Variants in ARL8B observed in about 807,000 individuals in gnomAD.
ARL8B encodes ADP-ribosylation factor-like protein 8B.
ARL8B carries 9 observed loss-of-function variants against 30.6 expected under a neutral mutation model. That is an observed-to-expected ratio of 0.29 (90% CI 0.18 to 0.51). ARL8B has a LOEUF of 0.51. Ranked by LOEUF, ARL8B falls within the 20% of genes least tolerant of loss-of-function variation. The pLI, the probability that ARL8B is intolerant of heterozygous loss-of-function variation, is 0.97. For synonymous variants in ARL8B, 74 were observed against 76.0 expected (o/e 0.97, Z 0.14); for missense variants, 130 against 227.2 (o/e 0.57, Z 2.75).
In ARL8B at chr3:5,130,999, G is replaced by A. The variant is rs184049092; in HGVS notation, c.123+8411G>A. The stretch of plus-strand genomic sequence containing the variant: ...CTGTCATCCATGCTGGGAGTGCAGT[G>A]GCACGGGGATTCAAGTGATTCTCCT... On this transcript the variant is annotated intron_variant, in intron 1 of 6. Transcript: ENST00000256496. Among the ~76,000 whole-genome samples the A allele has an allele frequency of 9.4e-4, 143 of 151,818 alleles. No homozygotes were observed. The Middle Eastern group carries it at 0.01, about 11-fold the overall frequency.
intron 1 of ARL8B, chr3:5,157,059 A>G (rs1056135523): frequency 6.6e-6 from 1 of 152,174 alleles, no homozygotes; most frequent in African/African-American, 2.4e-5. Context: ...TTGTTTTGTT[A>G]TAGCAGACAG....
chr3:5,167,935 T>C (rs1463010089), intron 1 of ARL8B, among the ~76,000 whole-genome samples: 2 of 152,190 alleles, frequency 1.3e-5, no homozygotes, highest in African/African-American at 2.4e-5. Flanking sequence ...ATGATTAAGA[T>C]TGGACACTAG....
chr3:5,151,876 G>A (rs1175687121), intron 1 of ARL8B, among the ~76,000 whole-genome samples: 3 of 151,970 alleles, frequency 2.0e-5, no homozygotes, highest in Non-Finnish European at 4.4e-5. Flanking sequence ...AGGCTCACAC[G>A]ACCACGTCTG....
At chr3:5,170,766 C>G (rs1435578795) in intron 2 of ARL8B, 183 bp downstream of exon 2, 1 of 502,456 alleles carries the variant, frequency 2.0e-6, no homozygotes, top group African/African-American at 2.0e-5. Flanking sequence ...GAGTTTTGCT[C>G]TTTCACCCAG....
intron 1 of ARL8B, among the ~76,000 whole-genome samples, chr3:5,150,855 T>C (rs902392733): frequency 6.6e-6 from 1 of 152,200 alleles, no homozygotes. Context: ...GGGATTTCTT[T>C]TTAAGAAGCT....
intron 6 of ARL8B, among the ~76,000 whole-genome samples, chr3:5,178,276 C>G (rs140587213): frequency 1.2e-3 from 179 of 152,104 alleles, no homozygotes; most frequent in Non-Finnish European, 2.1e-3. Flanking sequence ...GGGTGGCCCC[C>G]AAGCCCCGGG....
chr3:5,174,218 T>A, intron 5 of ARL8B, 126 bp from the exon 6 acceptor site: 1 of 1,094,966 alleles, frequency 9.1e-7, no homozygotes, highest in Non-Finnish European at 1.4e-6. Context: ...AAGTGAATCC[T>A]AACATTTTAG....
At chr3:5,131,489 C>G (rs1479795066) in intron 1 of ARL8B, among the ~76,000 whole-genome samples, 9 of 151,910 alleles carry the variant, frequency 5.9e-5, no homozygotes, top group Non-Finnish European at 1.3e-4. Context: ...CTCCCGAGTT[C>G]AAGCGATTCT....
chr3:5,145,982 C>T (rs1458064028), intron 1 of ARL8B, among the ~76,000 whole-genome samples: 1 of 152,164 alleles, frequency 6.6e-6, no homozygotes, highest in Non-Finnish European at 1.5e-5. Flanking sequence ...GTTTCTGATA[C>T]CTTGGCTCTC....
intron 1 of ARL8B, among the ~76,000 whole-genome samples, chr3:5,143,460 A>G (rs986598827): frequency 6.6e-6 from 1 of 152,222 alleles, no homozygotes; most frequent in Non-Finnish European, 1.5e-5. Flanking sequence ...CAGGATCAGT[A>G]TCCCATCCTA....
intron 1 of ARL8B, among the ~76,000 whole-genome samples, chr3:5,148,867 T>C (rs1299726386): frequency 6.6e-6 from 1 of 152,206 alleles, no homozygotes; most frequent in East Asian, 1.9e-4. Flanking sequence ...CAAAGGACTA[T>C]CTGGGGGAAT....
intron 1 of ARL8B, among the ~76,000 whole-genome samples, chr3:5,164,642 C>G (rs528456568): frequency 1.3e-5 from 2 of 152,342 alleles, no homozygotes; most frequent in East Asian, 3.9e-4. Context: ...TGTTCTTTTA[C>G]ATGAGTATAG....
intron 1 of ARL8B, among the ~76,000 whole-genome samples, chr3:5,166,773 C>T (rs1413697480): frequency 6.6e-6 from 1 of 152,162 alleles, no homozygotes; most frequent in Non-Finnish European, 1.5e-5. Context: ...TTTCTGAGAT[C>T]TCTAGTAGAA....
At position 5,179,750 on chromosome 3, in the gene ARL8B, T is replaced by C. The variant is rs938830470; in HGVS notation, c.*1037T>C. ...TTTTTCTCTCTTACTGATGTAAGCT[T>C]TGGCACTCTTTTGACTGGTGCCATT... On this transcript the variant is annotated 3_prime_UTR_variant, in exon 7 of 7. Coordinates refer to ENST00000256496, the MANE Select transcript of ARL8B (RefSeq NM_018184.3). 4.6e-5 allele frequency: 7 copies of C among 152,564 alleles called. No homozygotes were observed. Among genetic ancestry groups the C allele is most frequent in the African/African-American group, 1.7e-4 (7 of 41,472 alleles). The allele number at this position is 152,564 out of a possible 1,614,324, so 9.5% of individuals were successfully genotyped here.
chr3:5,124,936 A>C (rs908750553), intron 1 of ARL8B, among the ~76,000 whole-genome samples: 2 of 152,224 alleles, frequency 1.3e-5, no homozygotes, highest in African/African-American at 4.8e-5. Context: ...TAATACAGCC[A>C]GTTGTATTTG....
chr3:5,168,551 C>T (rs2106569635), intron 1 of ARL8B, among the ~76,000 whole-genome samples: 1 of 152,278 alleles, frequency 6.6e-6, no homozygotes, highest in African/African-American at 2.4e-5. Flanking sequence ...ATAAATGAAC[C>T]CCTGAGAAAG....
At chr3:5,162,886 A>G (rs975154168) in intron 1 of ARL8B, among the ~76,000 whole-genome samples, 2 of 152,108 alleles carry the variant, frequency 1.3e-5, no homozygotes, top group Admixed American at 6.5e-5. Context: ...ACAGTACCCA[A>G]TAGATAGTTT....
At chr3:5,132,816 G>C (rs2054294451) in intron 1 of ARL8B, among the ~76,000 whole-genome samples, 2 of 152,194 alleles carry the variant, frequency 1.3e-5, no homozygotes, top group Admixed American at 6.5e-5. Context: ...GGTCGGGTAT[G>C]TGCCATGTAT....
chr3:5,139,987 GTT>G (rs375903438), intron 1 of ARL8B, among the ~76,000 whole-genome samples: 5 of 130,024 alleles, frequency 3.8e-5, no homozygotes, highest in African/African-American at 5.8e-5. Context: ...GATTAGTTTT[GTT>G]TTTTTTTTTT....
Sources: allele counts gnomAD v4.1 joint callset (sites outside exome capture counted in the v4.1 genomes callset), GRCh38; gene constraint gnomAD v4.1.1; transcripts MANE v1.5; gene names NCBI Gene and HGNC (gene_info 2026-07-23, HGNC 2026-07-21).